Variants in CILP observed in about 807,000 individuals in gnomAD.
CILP encodes cartilage intermediate layer protein 1.
In CILP, 75 loss-of-function variants were observed where a neutral mutation model predicts 82.5. The observed-to-expected ratio is 0.91, with a 90% CI of 0.75 to 1.10. CILP has a LOEUF of 1.10. Ranked by LOEUF, CILP falls within the 50% of genes least tolerant of loss-of-function variation. The pLI, the probability that CILP is intolerant of heterozygous loss-of-function variation, is 0.00. For missense variants in CILP, 1,479 were observed against 1,530.8 expected, an observed-to-expected ratio of 0.97 and a Z score of 0.56; for synonymous variants, 530 against 580.3, an observed-to-expected ratio of 0.91 and a Z score of 1.25.
rs1293941543 is a variant in CILP at position 65,203,391 on chromosome 15, T to C, written c.999A>G (p.Thr333=). The change falls in exon 7 of 9, where the codon ACA becomes ACG. Residue 333 remains threonine, a synonymous_variant. Coordinates refer to ENST00000261883, the MANE Select transcript of CILP (RefSeq NM_003613.4). The stretch of plus-strand genomic sequence containing the variant: ...AATACTTGTCTGGCCTGGGCTTCCC[T>C]GTGGCCTTACAGCACAGAGACACGC... ...GQSVSLCCKA[T]GKPRPDKYFW... is the part of the protein sequence containing the mutation. The C allele has an allele frequency of 6.2e-7, 1 of 1,613,526 alleles. No individual in the cohort carries two copies. Among genetic ancestry groups the C allele is most frequent in the Admixed American group, 1.7e-5 (1 of 60,032 alleles).
chr15:65,203,305 C>T, intron 7 of CILP, 57 bp downstream of exon 7: 1 of 1,195,668 alleles, frequency 8.4e-7, no homozygotes. Context: ...AGACCCAATG[C>T]AAGAAGCTCT....
Position 65,198,308 on chromosome 15 carries a change from A to C in CILP, c.1978T>G (p.Phe660Val), listed in dbSNP as rs769454001. Reference sequence around the variant, plus strand: ...ACCTCATCTCTGAAGTCCACAGAGAACATGCCATACGTCCGAAGGGGGAAA... The same window carrying C: ...ACCTCATCTCTGAAGTCCACAGAGACCATGCCATACGTCCGAAGGGGGAAA... ...DTFPLRTYGM[F>V]SVDFRDEVTS... Residue 660 changes from phenylalanine (F) to valine (V), a missense_variant, in exon 9 of 9, where the codon TTC (phenylalanine) becomes GTC (valine). Transcript: ENST00000261883. The C allele has an allele frequency of 1.2e-6, 2 of 1,614,262 alleles. No individual in the cohort carries two copies. Among genetic ancestry groups the C allele is most frequent in the South Asian group, 2.2e-5 (2 of 91,088 alleles).
Position 65,197,197 on chromosome 15 carries a change from T to C in CILP, c.3089A>G (p.Gln1030Arg), listed in dbSNP as rs1172110503. 9 of 1,613,966 alleles carry C rather than the reference T, an allele frequency of 5.6e-6. No individual in the cohort carries two copies. Among genetic ancestry groups the C allele is most frequent in the Non-Finnish European group, 7.6e-6 (9 of 1,179,998 alleles). The change falls in exon 9 of 9, where the codon CAG (glutamine) becomes CGG (arginine). Residue 1030 changes from glutamine to arginine, a missense_variant. By Grantham distance (43) the Gln-to-Arg change is conservative. Transcript: ENST00000261883. ...VDRTLVKVIPQGSCRRASVNP... is the reference protein window; with the variant it reads ...VDRTLVKVIPRGSCRRASVNP... ...CACACTGGCTCGACGGCAGCTGCCC[T>C]GGGGGATGACCTTCACCAGGGTGCG...
chr15:65,207,674 T>A lies in CILP; in HGVS notation c.152A>T (p.Glu51Val), dbSNP rs1419787041. The A allele has an allele frequency of 1.9e-6, 3 of 1,613,880 alleles. No individual in the cohort carries two copies. The African/African-American group carries it at 4.0e-5, about 22-fold the overall frequency. ...SIFAKPADTL[E>V]SPGEWTTWFN... ...TCCCTGCTTCAGCCACAACTCACTCTCCAGGGTGTCGGCAGGCTTGGCAAA... is the reference window on the plus strand; with the variant it reads ...TCCCTGCTTCAGCCACAACTCACTCACCAGGGTGTCGGCAGGCTTGGCAAA... The change falls in exon 3 of 9, where the codon GAG becomes GTG. Residue 51 changes from glutamate to valine, a missense_variant and splice_region_variant. Glu to Val is a moderately radical substitution (Grantham distance 121, BLOSUM62 -2). Transcript: ENST00000261883.
At position 65,197,612 on chromosome 15, in the gene CILP, GC is replaced by G. The variant is rs760530607; in HGVS notation, c.2673del (p.Ile893SerfsTer43). 6.2e-7 allele frequency: 1 copy of G among 1,614,210 alleles called. No individual in the cohort carries two copies. ...PRPNSAEESN[G>X]PIYAFENLRA... ...CGGAGGTTCTCAAAGGCATAGATGGGCCCATTGCTCTCCTCAGCTGAGTTGG... is the reference window on the plus strand; with the variant it reads ...CGGAGGTTCTCAAAGGCATAGATGGGCCATTGCTCTCCTCAGCTGAGTTGG... On this transcript the variant is annotated frameshift_variant, in exon 9 of 9. Coordinates refer to ENST00000261883, the MANE Select transcript of CILP (RefSeq NM_003613.4). LOFTEE classifies it high-confidence loss of function.
At position 65,198,674 on chromosome 15, in the gene CILP, C is replaced by A. The variant is rs1387865533; in HGVS notation, c.1612G>T (p.Val538Leu). 7 of 1,614,126 alleles carry A rather than the reference C, an allele frequency of 4.3e-6. No individual in the cohort carries two copies. ...TGCAGCCTGTCCACAAATGTGAGCA[C>A]CAGCCTCTCAGTGTCCTGGGGGACA... is the stretch of plus-strand genomic sequence containing the variant. ...LHVPQDTERL[V>L]LTFVDRLQKF... Residue 538 changes from valine (V) to leucine (L), a missense_variant, in exon 9 of 9, where the codon GTG becomes TTG. Physicochemically the swap from Val to Leu is conservative, Grantham distance 32. Coordinates refer to ENST00000261883, the MANE Select transcript of CILP (RefSeq NM_003613.4).
Position 65,199,072 on chromosome 15 carries a change from A to G in CILP, c.1214T>C (p.Val405Ala). ...CAGCCGGATAAGATAGCTCTCAGGAACTGGGTTGCAAGGAGTCTCATCAGA... is the reference window on the plus strand; with the variant it reads ...CAGCCGGATAAGATAGCTCTCAGGAGCTGGGTTGCAAGGAGTCTCATCAGA... ...IASDETPCNP[V>A]PESYLIRLPH... The change falls in exon 9 of 9, where the codon GTT (valine) becomes GCT (alanine). Residue 405 changes from valine to alanine, a missense_variant. Val to Ala is a moderately conservative substitution (Grantham distance 64). Transcript: ENST00000261883. 6.3e-7 allele frequency: 1 copy of G among 1,596,922 alleles called. No individual in the cohort carries two copies. Among genetic ancestry groups the G allele is most frequent in the Non-Finnish European group, 8.5e-7 (1 of 1,178,322 alleles).
chr15:65,207,141 G>A lies in CILP; in HGVS notation c.155-90C>T, dbSNP rs1369655524. 8.4e-6 allele frequency: 12 copies of A among 1,421,278 alleles called. No homozygotes were observed. The South Asian group carries it at 1.5e-4, about 17-fold the overall frequency. The allele number at this position is 1,421,278 out of a possible 1,614,324, so 88.0% of individuals were successfully genotyped here. On this transcript the variant is annotated intron_variant, in intron 3 of 8. Coordinates refer to ENST00000261883, the MANE Select transcript of CILP (RefSeq NM_003613.4). ...CTCACCCACCCCCAGCTGGCCTCAG[G>A]CCCTATCACATTTGTCTCTCCAGTA...
intron 1 of CILP, 71 bp from the exon 2 acceptor site, chr15:65,209,932 C>A (rs1215641809): frequency 1.8e-5 from 11 of 599,002 alleles, no homozygotes; most frequent in Non-Finnish European, 2.7e-5. Context: ...AGAAATATTT[C>A]TTGACCTGTC....
chr15:65,209,012 C>CTTTTTTTTTT (rs556369891), intron 2 of CILP, among the ~76,000 whole-genome samples: 14 of 69,988 alleles, frequency 2.0e-4, no homozygotes, highest in South Asian at 9.2e-4. Flanking sequence ...GGGTTTTGAG[C>CTTTTTTTTTT]TTTTTTTTTT....
intron 6 of CILP, among the ~76,000 whole-genome samples, 187 bp from the exon 7 acceptor site, chr15:65,203,657 A>G (rs1016992959): frequency 2.6e-5 from 4 of 152,050 alleles, no homozygotes; most frequent in Admixed American, 6.5e-5. Flanking sequence ...CACACCCCCA[A>G]TCCTGGGACC....
intron 1 of CILP, among the ~76,000 whole-genome samples, chr15:65,210,536 G>A (rs1355884953): frequency 6.6e-6 from 1 of 152,228 alleles, no homozygotes; most frequent in African/African-American, 2.4e-5. Context: ...CAAGGGTCAG[G>A]AGAGGAAAGC....
In CILP at chr15:65,199,064, T is replaced by G. The variant is rs1290505507; in HGVS notation, c.1222A>C (p.Ser408Arg). 6.3e-7 allele frequency: 1 copy of G among 1,598,586 alleles called. No homozygotes were observed. The highest frequency in any genetic ancestry group is 1.3e-5 in the African/African-American group (1 of 74,998). Reference protein sequence around the residue: ...DETPCNPVPESYLIRLPHDCF... With the variant: ...DETPCNPVPERYLIRLPHDCF... ...TCATGGGGCAGCCGGATAAGATAGC[T>G]CTCAGGAACTGGGTTGCAAGGAGTC... The change falls in exon 9 of 9, where the codon AGC becomes CGC. Residue 408 changes from serine (S) to arginine (R), a missense_variant. Transcript: ENST00000261883.
chr15:65,205,442 C>T lies in CILP; in HGVS notation c.449G>A (p.Arg150His), dbSNP rs765576689. Residue 150 changes from arginine to histidine, a missense_variant, in exon 5 of 9, where the codon CGC (arginine) becomes CAC (histidine). Arg to His is a conservative substitution (Grantham distance 29, BLOSUM62 0). Transcript: ENST00000261883. ...CCAGGGAGACCATGGGCTCCAGATGCGCTCTGTGTCTCGGCGCAGGGATCC... is the reference window on the plus strand; with the variant it reads ...CCAGGGAGACCATGGGCTCCAGATGTGCTCTGTGTCTCGGCGCAGGGATCC... ...PPGSLRRDTE[R>H]IWSPWSPWSK... The T allele has an allele frequency of 1.4e-5, 23 of 1,611,098 alleles. No individual in the cohort carries two copies. The highest frequency in any genetic ancestry group is 2.7e-5 in the African/African-American group (2 of 74,918).
chr15:65,202,119 G>C (rs558385928), intron 7 of CILP, 90 bp from the exon 8 acceptor site: 1 of 1,067,896 alleles, frequency 9.4e-7, no homozygotes, highest in East Asian at 2.9e-5. Flanking sequence ...CAAGGAGACA[G>C]ATGATGAATG....
rs781026100 is a variant in CILP, at chr15:65,198,287, C to G, written c.1999G>C (p.Glu667Gln). ...GCATTAAGTGGCTCTGAGGTGACCT[C>G]ATCTCTGAAGTCCACAGAGAACATG... is the stretch of plus-strand genomic sequence containing the variant. ...YGMFSVDFRD[E>Q]VTSEPLNAGK... Residue 667 changes from glutamate to glutamine, a missense_variant, in exon 9 of 9, where the codon GAG becomes CAG. Coordinates refer to ENST00000261883, the MANE Select transcript of CILP (RefSeq NM_003613.4). 1 of 1,614,262 alleles carries G rather than the reference C, an allele frequency of 6.2e-7. No homozygotes were observed. Among genetic ancestry groups the G allele is most frequent in the Non-Finnish European group, 8.5e-7 (1 of 1,180,048 alleles).
Position 65,196,698 on chromosome 15 carries a change from A to G in CILP, c.*33T>C, listed in dbSNP as rs199887618. 27 of 1,486,680 alleles carry G rather than the reference A, an allele frequency of 1.8e-5. No individual in the cohort carries two copies. In the East Asian group the frequency reaches 6.2e-4, roughly 34 times the overall value. 92.1% of individuals were successfully genotyped at this position (1,486,680 alleles called of 1,614,324 possible). A position where few individuals can be genotyped will look rare whatever the true frequency, so the allele number is the denominator to read the frequency against. ...AGTCTCACAATGGCTGTCACATGAA[A>G]TGAGGGCAGAAGAGGGTGAAGTACC... On this transcript the variant is annotated 3_prime_UTR_variant, in exon 9 of 9. Coordinates refer to ENST00000261883, the MANE Select transcript of CILP (RefSeq NM_003613.4).
Position 65,197,360 on chromosome 15 carries a change from T to C in CILP, c.2926A>G (p.Thr976Ala). The C allele has an allele frequency of 1.9e-6, 3 of 1,614,198 alleles. No homozygotes were observed. The highest frequency in any genetic ancestry group is 3.3e-5 in the Admixed American group (2 of 60,032). Residue 976 changes from threonine (T) to alanine (A), a missense_variant, in exon 9 of 9, where the codon ACT becomes GCT. Physicochemically the swap from Thr to Ala is moderately conservative, Grantham distance 58. Coordinates refer to ENST00000261883, the MANE Select transcript of CILP (RefSeq NM_003613.4). The stretch of plus-strand genomic sequence containing the variant: ...AGCTTCCCCACTGTCTGCCGATGAG[T>C]GCCCCCCATGTTGCGGGATCGCACA... ...VNVRSRNMGG[T>A]HRQTVGKLYG...
intron 4 of CILP, 102 bp from the exon 5 acceptor site, chr15:65,205,568 C>T: frequency 2.6e-6 from 3 of 1,153,722 alleles, no homozygotes; most frequent in Non-Finnish European, 3.6e-6. Context: ...GACAAGGTTT[C>T]CATTTATGTC....
Sources: allele counts gnomAD v4.1 joint callset (sites outside exome capture counted in the v4.1 genomes callset), GRCh38; gene constraint gnomAD v4.1.1; transcripts MANE v1.5; gene names NCBI Gene and HGNC (gene_info 2026-07-23, HGNC 2026-07-21).